The following CRYAB variants were observed in gnomAD, a reference collection of about 807,000 sequenced individuals.
The protein encoded by CRYAB is crystallin alpha B.
A neutral mutation model predicts 12.7 loss-of-function variants in CRYAB; 9 were observed. The ratio of observed to expected loss-of-function variants is 0.71; its 90% CI spans 0.43 to 1.24. The LOEUF (loss-of-function observed/expected upper bound fraction) is 1.24, where lower values mean the gene tolerates loss of function less well. Among genes scored for constraint, CRYAB ranks in the 50% most tolerant of loss-of-function variants. The probability of loss-of-function intolerance (pLI) is 0.00; values close to 1 mark genes in which losing one functional copy is unlikely to be tolerated. For missense variants in CRYAB, 183 were observed against 226.6 expected, an observed-to-expected ratio of 0.81 and a Z score of 1.24; for synonymous variants, 93 against 86.8, an observed-to-expected ratio of 1.07 and a Z score of -0.40.
At position 111,908,617 on chromosome 11, in the gene CRYAB, C is replaced by CAGTT; in HGVS notation, c.*143_*146dup. ...GTGTGTGGAATATTCAAACACAAGA[C>CAGTT]AGTTATCTGTTGCTGAATGATATTT... On this transcript the variant is annotated 3_prime_UTR_variant, in exon 3 of 3. Transcript: ENST00000650687. 1 of 705,368 alleles carries CAGTT rather than the reference C, an allele frequency of 1.4e-6. No homozygotes were observed. Among genetic ancestry groups the CAGTT allele is most frequent in the East Asian group, 2.7e-5 (1 of 37,092 alleles). 43.7% of individuals were successfully genotyped at this position (705,368 alleles called of 1,614,324 possible). A position where few individuals can be genotyped will look rare whatever the true frequency, so the allele number is the denominator to read the frequency against.
At chr11:111,918,923 A>C in intron 1 of CRYAB, 1 of 1,609,354 alleles carries the variant, frequency 6.2e-7, no homozygotes, top group Non-Finnish European at 8.5e-7. Context: ...GGAAATGCAC[A>C]AGCCTCTTGA....
In CRYAB at chr11:111,911,536, A is replaced by G; in HGVS notation, c.189T>C (p.Thr63=). ...TGGGGAGACTCACCTCTGAGAGTCC[A>G]GTGTCAAACCAGCTGGGTGCCCGCA... is the stretch of plus-strand genomic sequence containing the variant. The part of the protein sequence containing the change: ...SFLRAPSWFD[T]GLSEMRLEKD... The change falls in exon 1 of 3, where the codon ACT becomes ACC. Residue 63 remains threonine, a synonymous_variant. Transcript: ENST00000650687. 7 of 1,611,054 alleles carry G rather than the reference A, an allele frequency of 4.3e-6. No homozygotes were observed. The highest frequency in any genetic ancestry group is 5.9e-6 in the Non-Finnish European group (7 of 1,179,018).
upstream of CRYAB, chr11:111,913,171 T>C (rs1555165819): frequency 5.0e-6 from 3 of 601,226 alleles, no homozygotes. Context: ...TGCCTCCTTG[T>C]CCCCCTTCTA....
chr11:111,912,917 G>T, upstream of CRYAB: 1 of 1,603,416 alleles, frequency 6.2e-7, no homozygotes, highest in Non-Finnish European at 8.5e-7. Context: ...GCAGCGCTTC[G>T]GAGAAGGTAT....
intron 1 of CRYAB, among the ~76,000 whole-genome samples, chr11:111,920,459 G>A: frequency 6.6e-6 from 1 of 151,954 alleles, no homozygotes; most frequent in Non-Finnish European, 1.5e-5. Context: ...AATCCCTTAA[G>A]CTTGGGAGAC....
At chr11:111,918,893 G>C in intron 1 of CRYAB, 1 of 1,567,018 alleles carries the variant, frequency 6.4e-7, no homozygotes, top group South Asian at 1.1e-5. Context: ...AGCTGCCGCG[G>C]AAAGCTCAAC....
intron 1 of CRYAB, among the ~76,000 whole-genome samples, chr11:111,920,865 T>C (rs1555166497): frequency 1.3e-5 from 2 of 152,236 alleles, no homozygotes. Flanking sequence ...TGACCATAGG[T>C]AATAAGTCCC....
upstream of CRYAB, among the ~76,000 whole-genome samples, chr11:111,915,805 T>C (rs1246576259): frequency 3.3e-5 from 5 of 152,198 alleles, no homozygotes; most frequent in African/African-American, 1.2e-4. Flanking sequence ...TGCAGTGGCA[T>C]GATCATGGCT....
At chr11:111,915,538 T>G (rs1965584716), upstream of CRYAB, among the ~76,000 whole-genome samples, 1 of 152,226 alleles carries the variant, frequency 6.6e-6, no homozygotes, top group African/African-American at 2.4e-5. Context: ...CTACTTAGAC[T>G]TCAACCAAAA....
upstream of CRYAB, chr11:111,912,660 A>T: frequency 1.6e-6 from 1 of 616,616 alleles, no homozygotes; most frequent in Non-Finnish European, 2.9e-6. Flanking sequence ...GCTCTCACTC[A>T]GGGCCCCCAC....
At chr11:111,918,868 GAC>G (rs1965638729) in intron 1 of CRYAB, 3 of 1,358,064 alleles carry the variant, frequency 2.2e-6, no homozygotes, top group Admixed American at 1.8e-5. Context: ...ATCTGACACT[GAC>G]ACAGACTCCG....
chr11:111,912,706 T>A, upstream of CRYAB: 3 of 429,712 alleles, frequency 7.0e-6, no homozygotes, highest in East Asian at 6.0e-5. Flanking sequence ...CTCGGCACTA[T>A]TTTGGGTGGT....
chr11:111,910,123 A>G, intron 2 of CRYAB: 1 of 727,596 alleles, frequency 1.4e-6, no homozygotes, highest in Non-Finnish European at 2.4e-6. Flanking sequence ...GATCAAATCA[A>G]AGGCCACATC....
At chr11:111,912,947 T>TCCCCCCCCCCCC, upstream of CRYAB, 5 of 1,143,312 alleles carry the variant, frequency 4.4e-6, no homozygotes, top group South Asian at 1.3e-5. Flanking sequence ...ACCACCCCCT[T>TCCCCCCCCCCCC]GCCCCCCACC....
chr11:111,912,959 C>T (rs1555165800), upstream of CRYAB: 1 of 1,490,058 alleles, frequency 6.7e-7, no homozygotes, highest in Admixed American at 2.0e-5. Flanking sequence ...CCCCCCACCC[C>T]CACCCCCTGA....
In CRYAB at chr11:111,908,660, G is replaced by T; in HGVS notation, c.*104C>A. ...TGATATTTTATTAGCTTGATAATTT[G>T]GGCCTGCCCTTAGCATTAATAAGCT... On this transcript the variant is annotated 3_prime_UTR_variant, in exon 3 of 3. Transcript: ENST00000650687. 9.8e-7 allele frequency: 1 copy of T among 1,018,224 alleles called. No homozygotes were observed. Among genetic ancestry groups the T allele is most frequent in the Non-Finnish European group, 1.5e-6 (1 of 651,218 alleles). 63.1% of individuals were successfully genotyped at this position (1,018,224 alleles called of 1,614,324 possible).
chr11:111,910,227 G>A (rs782441770), intron 2 of CRYAB, 100 bp downstream of exon 2: 1 of 1,439,262 alleles, frequency 6.9e-7, no homozygotes, highest in East Asian at 2.3e-5. Flanking sequence ...TTATGGCTTG[G>A]GACTGGAATG....
chr11:111,915,027 G>A (rs782248768), upstream of CRYAB, among the ~76,000 whole-genome samples: 7 of 151,978 alleles, frequency 4.6e-5, no homozygotes, highest in Non-Finnish European at 8.8e-5. Context: ...CTGAGATTGC[G>A]CCACTGCACT....
chr11:111,912,642 C>CGA, upstream of CRYAB: 1 of 608,202 alleles, frequency 1.6e-6, no homozygotes, highest in South Asian at 1.9e-5. Context: ...GCTGGTCACA[C>CGA]CCTCGTTGCT....
Sources: gnomAD v4.1 joint callset for allele counts (sites outside exome capture counted in the v4.1 genomes callset) on GRCh38, gnomAD v4.1.1 for gene constraint, MANE v1.5 for transcripts, NCBI Gene and HGNC (gene_info 2026-07-23, HGNC 2026-07-21) for gene names.